The following NFIA variants were observed in gnomAD, a reference collection of about 807,000 sequenced individuals.
The protein encoded by NFIA is nuclear factor 1 A-type.
A neutral mutation model predicts 62.8 loss-of-function variants in NFIA; 8 were observed. The ratio of observed to expected loss-of-function variants is 0.13; its 90% CI spans 0.07 to 0.23. NFIA has a LOEUF of 0.23. NFIA is among the 10% of genes least tolerant of loss of function. The pLI is 1.00. For synonymous variants in NFIA, 235 were observed against 238.1 expected (o/e 0.99, Z 0.12); for missense variants, 410 against 642.1 (o/e 0.64, Z 3.91).
intron 2 of NFIA, among the ~76,000 whole-genome samples, chr1:61,185,404 C>G (rs1030453265): frequency 1.3e-5 from 2 of 152,196 alleles, no homozygotes; most frequent in Admixed American, 6.5e-5. Context: ...CCACCATCAT[C>G]CTTACCCAGA....
chr1:61,339,520 G>A (rs571147496), intron 4 of NFIA, among the ~76,000 whole-genome samples: 6 of 152,024 alleles, frequency 3.9e-5, no homozygotes, highest in Non-Finnish European at 7.4e-5. Context: ...TGCCATACTC[G>A]TAGGAAGAAA....
At chr1:61,417,625 A>G (rs1666412845) in intron 9 of NFIA, among the ~76,000 whole-genome samples, 4 of 152,124 alleles carry the variant, frequency 2.6e-5, no homozygotes, top group African/African-American at 9.6e-5. Context: ...ACCTTTTCAA[A>G]TTGTGTACGA....
At chr1:61,309,844 G>A (rs1277509627) in intron 3 of NFIA, among the ~76,000 whole-genome samples, 1 of 152,202 alleles carries the variant, frequency 6.6e-6, no homozygotes, top group Non-Finnish European at 1.5e-5. Flanking sequence ...AGCCGAGATT[G>A]CACCACTGCA....
In NFIA at chr1:61,097,066, A is replaced by G. The variant is rs372992066; in HGVS notation, c.559+8386A>G. ...AATAGCTTTCTTTTTAAGAAATATT[A>G]ATGAATCTTAAAGTTAGGGTTGTGT... is the stretch of plus-strand genomic sequence containing the variant. On this transcript the variant is annotated intron_variant, in intron 2 of 10. Coordinates refer to ENST00000403491, the MANE Select transcript of NFIA (RefSeq NM_001134673.4). Among the ~76,000 whole-genome samples, 89 of 152,360 alleles carry G rather than the reference A, an allele frequency of 5.8e-4. 1 individual carries two copies. In the South Asian group the frequency reaches 0.018, roughly 31 times the overall value.
At chr1:61,360,773 G>A (rs1028015864) in intron 6 of NFIA, among the ~76,000 whole-genome samples, 7 of 152,172 alleles carry the variant, frequency 4.6e-5, no homozygotes, top group Non-Finnish European at 1.0e-4. Context: ...AACATTCACA[G>A]AAGTACATAC....
intron 2 of NFIA, among the ~76,000 whole-genome samples, chr1:61,169,996 A>G (rs1471952821): frequency 5.9e-5 from 9 of 152,018 alleles, no homozygotes. Context: ...AGAAAGGAAG[A>G]TTTTTCCCAT....
At chr1:61,378,033 C>G (rs1664235346) in intron 6 of NFIA, among the ~76,000 whole-genome samples, 1 of 152,176 alleles carries the variant, frequency 6.6e-6, no homozygotes, top group Non-Finnish European at 1.5e-5. Flanking sequence ...GAAAAAACAG[C>G]TTTGTACTTC....
chr1:61,289,332 C>G (rs910200580), intron 3 of NFIA, among the ~76,000 whole-genome samples: 10 of 152,168 alleles, frequency 6.6e-5, no homozygotes, highest in African/African-American at 2.4e-4. Flanking sequence ...GAGCCATGCA[C>G]TGTGCTGAGT....
In NFIA at chr1:61,180,056, G is replaced by A. The variant is rs370646297; in HGVS notation, c.559+91376G>A. ...GAGAATGGCCTGAATAGCTAAGAGAGCATCCTCTCTGCAGCACCTCTTGAC... is the reference window on the plus strand; with the variant it reads ...GAGAATGGCCTGAATAGCTAAGAGAACATCCTCTCTGCAGCACCTCTTGAC... On this transcript the variant is annotated intron_variant, in intron 2 of 10. Transcript: ENST00000403491. Among the ~76,000 whole-genome samples, 55 of 152,250 alleles carry A rather than the reference G, an allele frequency of 3.6e-4. No homozygotes were observed. In the East Asian group the frequency reaches 9.3e-3, roughly 26 times the overall value.
At chr1:61,169,934 A>T (rs926732146) in intron 2 of NFIA, among the ~76,000 whole-genome samples, 2 of 152,084 alleles carry the variant, frequency 1.3e-5, no homozygotes, top group South Asian at 4.1e-4. Context: ...TATTTAAATA[A>T]AAGTAATGTT....
At chr1:61,448,767 T>C (rs1569908298) in intron 10 of NFIA, among the ~76,000 whole-genome samples, 1 of 152,198 alleles carries the variant, frequency 6.6e-6, no homozygotes, top group East Asian at 1.9e-4. Context: ...TCCAGCAGTC[T>C]TTGATTTCAT....
chr1:61,443,613 T>A (rs760701882), intron 10 of NFIA, among the ~76,000 whole-genome samples: 1 of 152,202 alleles, frequency 6.6e-6, no homozygotes, highest in Admixed American at 6.5e-5. Context: ...TGCTCCAGTA[T>A]GAAAAGATGC....
At chr1:61,212,756 C>T (rs930060750) in intron 2 of NFIA, among the ~76,000 whole-genome samples, 2 of 152,192 alleles carry the variant, frequency 1.3e-5, no homozygotes, top group African/African-American at 4.8e-5. Flanking sequence ...CAGACCCCCA[C>T]CCTGCTCAGT....
chr1:61,400,619 A>G (rs1306004097), intron 7 of NFIA, among the ~76,000 whole-genome samples: 2 of 152,230 alleles, frequency 1.3e-5, no homozygotes, highest in Non-Finnish European at 2.9e-5. Flanking sequence ...ATAATGTGCT[A>G]TAATTTTTTA....
At chr1:61,318,455 A>G (rs1368405108) in intron 3 of NFIA, among the ~76,000 whole-genome samples, 1 of 152,172 alleles carries the variant, frequency 6.6e-6, no homozygotes, top group Non-Finnish European at 1.5e-5. Context: ...CACCAGCAAG[A>G]CCCAGTCCTT....
chr1:61,164,140 G>A (rs1245795050), intron 2 of NFIA, among the ~76,000 whole-genome samples: 1 of 151,738 alleles, frequency 6.6e-6, no homozygotes, highest in East Asian at 1.9e-4. Context: ...AATAGCTAGT[G>A]TTTTTATTTG....
intron 2 of NFIA, among the ~76,000 whole-genome samples, chr1:61,167,824 G>T (rs1649687912): frequency 6.6e-6 from 1 of 151,968 alleles, no homozygotes; most frequent in African/African-American, 2.4e-5. Flanking sequence ...GCTTTCAAAG[G>T]CATTTTACAG....
rs1663159696 is a variant in NFIA at position 61,359,362 on chromosome 1, A to G, written c.946+88A>G. 5 of 1,576,860 alleles carry G rather than the reference A, an allele frequency of 3.2e-6. No individual in the cohort carries two copies. In the East Asian group the frequency reaches 6.8e-5, roughly 21 times the overall value. ...CCCATGCCACGCATAAAAGTGAAGA[A>G]AGAAAGCTCAAGGTAGTTCACTTTT... On this transcript the variant is annotated intron_variant, in intron 6 of 10. Coordinates refer to ENST00000403491, the MANE Select transcript of NFIA (RefSeq NM_001134673.4).
At chr1:61,326,750 TGTGAGAGGTGACAACA>T (rs1458410895) in intron 3 of NFIA, among the ~76,000 whole-genome samples, 1 of 152,150 alleles carries the variant, frequency 6.6e-6, no homozygotes. Flanking sequence ...GGAAGACTTT[TGTGAGAGGTGACAACA>T]AAGCTGAGTT....
Sources: gnomAD v4.1 joint callset for allele counts (sites outside exome capture counted in the v4.1 genomes callset) on GRCh38, gnomAD v4.1.1 for gene constraint, MANE v1.5 for transcripts, NCBI Gene and HGNC (gene_info 2026-07-23, HGNC 2026-07-21) for gene names.